The following LPIN2 variants were observed in gnomAD, a reference collection of about 807,000 sequenced individuals.
The protein encoded by LPIN2 is phosphatidate phosphatase LPIN2.
Under a neutral mutation model 111.4 loss-of-function variants are expected in LPIN2, and 55 were observed. The observed-to-expected ratio is 0.49, with a 90% CI of 0.40 to 0.62. The LOEUF is 0.62. Ranked by LOEUF, LPIN2 falls within the 20% of genes least tolerant of loss-of-function variation. LPIN2 has a pLI of 0.00. For missense variants in LPIN2, 992 were observed against 1,112.1 expected, an observed-to-expected ratio of 0.89 and a Z score of 1.54; for synonymous variants, 425 against 414.0, an observed-to-expected ratio of 1.03 and a Z score of -0.32.
At chr18:2,946,709 G>A in intron 4 of LPIN2, 1 of 597,508 alleles carries the variant, frequency 1.7e-6, no homozygotes, top group Non-Finnish European at 3.1e-6. Context: ...ATAAATTATA[G>A]GTGCAACATG....
chr18:2,981,127 GAAAGACTCTTTCAAAACTGAAACTGTC>G (rs2078104029), intron 1 of LPIN2, among the ~76,000 whole-genome samples: 1 of 152,088 alleles, frequency 6.6e-6, no homozygotes, highest in Admixed American at 6.5e-5. Flanking sequence ...AAACCATGAG[GAAAGACTCTTTCAAAACTGAAACTGTC>G]ACCTTACAAA....
At chr18:2,975,688 T>C (rs57873952) in intron 1 of LPIN2, among the ~76,000 whole-genome samples, 1 of 152,312 alleles carries the variant, frequency 6.6e-6, no homozygotes, top group East Asian at 1.9e-4. Flanking sequence ...TTTTAAGGGG[T>C]ATGTCCTTAT....
rs550305642 is a variant in LPIN2, at chr18:3,008,988, C to T, written c.-10+4099G>A. Reference sequence around the variant, plus strand: ...CCACTTTAAAATCAACACATCTGTCCGGGTGCGGTGGCTCACGCCTGTAAT... The same window carrying T: ...CCACTTTAAAATCAACACATCTGTCTGGGTGCGGTGGCTCACGCCTGTAAT... On this transcript the variant is annotated intron_variant, in intron 1 of 19. Transcript: ENST00000677752. 1.1e-4 allele frequency among the ~76,000 whole-genome samples: 17 copies of T among 151,406 alleles called. No homozygotes were observed. The South Asian group carries it at 1.5e-3, about 13-fold the overall frequency.
At chr18:2,992,843 A>T (rs2078284776) in intron 1 of LPIN2, among the ~76,000 whole-genome samples, 1 of 152,026 alleles carries the variant, frequency 6.6e-6, no homozygotes, top group African/African-American at 2.4e-5. Context: ...AAAATTAGCC[A>T]GGCCTGGTGG....
intron 1 of LPIN2, chr18:2,982,931 C>T (rs1412382620): frequency 1.7e-5 from 6 of 352,738 alleles, no homozygotes; most frequent in Non-Finnish European, 3.3e-5. Flanking sequence ...AATGCATACA[C>T]AAGTTTACCA....
chr18:2,937,997 G>A lies in LPIN2; in HGVS notation c.863C>T (p.Ala288Val), dbSNP rs766692933. The A allele has an allele frequency of 1.3e-5, 21 of 1,614,120 alleles. No individual in the cohort carries two copies. The highest frequency in any genetic ancestry group is 1.8e-5 in the Non-Finnish European group (21 of 1,180,000). ...AGTATTTTCTGATGGTGTAATTGTA[G>A]CTGTCCTAGGATGATGGTCAGATCG... Reference protein sequence around the residue: ...RERSDHHPRTATITPSENTHF... With the variant: ...RERSDHHPRTVTITPSENTHF... Residue 288 changes from alanine (A) to valine (V), a missense_variant, in exon 7 of 20, where the codon GCT (alanine) becomes GTT (valine). Transcript: ENST00000677752.
At chr18:2,954,743 C>T in intron 2 of LPIN2, 144 bp from the exon 3 acceptor site, 1 of 700,672 alleles carries the variant, frequency 1.4e-6, no homozygotes, top group East Asian at 2.7e-5. Flanking sequence ...CTGCTACTTG[C>T]CCCTACCCAA....
intron 9 of LPIN2, among the ~76,000 whole-genome samples, chr18:2,930,253 C>T (rs1380187292): frequency 6.6e-6 from 1 of 152,222 alleles, no homozygotes; most frequent in Non-Finnish European, 1.5e-5. Context: ...ATTTTACCTA[C>T]ATTTTGTATT....
At chr18:2,989,410 G>A (rs1053643482) in intron 1 of LPIN2, among the ~76,000 whole-genome samples, 1 of 151,982 alleles carries the variant, frequency 6.6e-6, no homozygotes, top group Non-Finnish European at 1.5e-5. Context: ...GATAACCTCA[G>A]TAAATAGAAA....
intron 2 of LPIN2, among the ~76,000 whole-genome samples, chr18:2,958,165 AAAAAAAAAC>A (rs2077648789): frequency 1.4e-5 from 2 of 145,616 alleles, no homozygotes; most frequent in Admixed American, 6.9e-5. Context: ...AAACAACAAA[AAAAAAAAAC>A]AGAAAAAAGA....
intron 1 of LPIN2, among the ~76,000 whole-genome samples, chr18:3,001,022 T>C (rs1007023049): frequency 6.6e-6 from 1 of 151,844 alleles, no homozygotes; most frequent in Admixed American, 6.6e-5. Context: ...TTGAGACTTC[T>C]CAAAAAAAGG....
intron 1 of LPIN2, among the ~76,000 whole-genome samples, chr18:2,982,399 AT>A (rs1382126455): frequency 6.6e-6 from 1 of 151,892 alleles, no homozygotes; most frequent in East Asian, 1.9e-4. Context: ...CAGCAACTTC[AT>A]TTTTTTCCTA....
intron 1 of LPIN2, among the ~76,000 whole-genome samples, chr18:2,976,789 T>C (rs1051677750): frequency 2.0e-5 from 3 of 152,152 alleles, no homozygotes. Flanking sequence ...AACCCAGTTA[T>C]GGAAAATGAT....
At chr18:3,002,828 AC>A (rs1270680463) in intron 1 of LPIN2, among the ~76,000 whole-genome samples, 1 of 152,100 alleles carries the variant, frequency 6.6e-6, no homozygotes, top group Non-Finnish European at 1.5e-5. Flanking sequence ...CTCAAGCAGT[AC>A]TCCCTTCTAA....
rs1405620631 is a variant in LPIN2 at position 2,918,148 on chromosome 18, A to G, written c.*2145T>C. ...ACCCACTGGATCAATCTGCAGCAACAAAGTCTAGTGCTAGCAGACACAGGG... is the reference window on the plus strand; with the variant it reads ...ACCCACTGGATCAATCTGCAGCAACGAAGTCTAGTGCTAGCAGACACAGGG... On this transcript the variant is annotated 3_prime_UTR_variant, in exon 20 of 20. Transcript: ENST00000677752. 6.6e-6 allele frequency: 1 copy of G among 152,210 alleles called. No individual in the cohort carries two copies. The highest frequency in any genetic ancestry group is 1.5e-5 in the Non-Finnish European group (1 of 68,052). 9.4% of individuals were successfully genotyped at this position (152,210 alleles called of 1,614,324 possible). A position where few individuals can be genotyped will look rare whatever the true frequency, so the allele number is the denominator to read the frequency against.
intron 1 of LPIN2, among the ~76,000 whole-genome samples, chr18:2,970,001 G>A (rs977991465): frequency 7.9e-5 from 12 of 152,214 alleles, no homozygotes; most frequent in Non-Finnish European, 1.6e-4. Context: ...CAGCTGACCT[G>A]ACTGTTTTAT....
chr18:2,960,097 G>C lies in LPIN2; in HGVS notation c.192+552C>G, dbSNP rs549577488. On this transcript the variant is annotated intron_variant, in intron 2 of 19. Coordinates refer to ENST00000677752, the MANE Select transcript of LPIN2 (RefSeq NM_001375808.2). ...AGGCAGGAGAATCGCTTGAACCTGG[G>C]AGGCGGAGGTTGCAGTGAGCCAAGA... is the stretch of plus-strand genomic sequence containing the variant. Among the ~76,000 whole-genome samples the C allele has an allele frequency of 2.6e-5, 4 of 152,128 alleles. No individual in the cohort carries two copies. The South Asian group carries it at 8.3e-4, about 32-fold the overall frequency.
chr18:2,950,944 G>T, intron 4 of LPIN2, 111 bp downstream of exon 4: 1 of 1,162,544 alleles, frequency 8.6e-7, no homozygotes, highest in Non-Finnish European at 1.3e-6. Context: ...CTGTAAAGGG[G>T]GAAAACAAGC....
chr18:3,005,676 TACACACAC>T lies in LPIN2; in HGVS notation c.-10+7403_-10+7410del, dbSNP rs34050872. ...TGGACAACAGAGCAAGACACTATCT[TACACACAC>T]ACACACACACACACACACACACAGC... is the stretch of plus-strand genomic sequence containing the variant. On this transcript the variant is annotated intron_variant, in intron 1 of 19. Coordinates refer to ENST00000677752, the MANE Select transcript of LPIN2 (RefSeq NM_001375808.2). Among the ~76,000 whole-genome samples, 1,213 of 147,014 alleles carry T rather than the reference TACACACAC, an allele frequency of 8.3e-3. 21 individuals are homozygous for T. Among genetic ancestry groups the T allele is most frequent in the African/African-American group, 0.027 (1,084 of 39,796 alleles).
Sources: gnomAD v4.1 joint callset for allele counts (sites outside exome capture counted in the v4.1 genomes callset) on GRCh38, gnomAD v4.1.1 for gene constraint, MANE v1.5 for transcripts, NCBI Gene and HGNC (gene_info 2026-07-23, HGNC 2026-07-21) for gene names.